Variants in P2RX5 observed in about 807,000 individuals in gnomAD.
P2RX5 encodes P2X purinoceptor 5.
In P2RX5, 46 loss-of-function variants were observed where a neutral mutation model predicts 54.1. That is an observed-to-expected ratio of 0.85 (90% CI 0.67 to 1.09). The LOEUF (loss-of-function observed/expected upper bound fraction) is 1.09. Among genes scored for constraint, P2RX5 ranks in the 50% least tolerant of loss-of-function variants. The probability of loss-of-function intolerance (pLI) is 0.00; values close to 1 mark genes in which losing one functional copy is unlikely to be tolerated. For missense variants in P2RX5, 566 were observed against 549.8 expected (o/e 1.03, Z -0.29); for synonymous variants, 226 against 226.4 (o/e 1.00, Z 0.02).
At chr17:3,701,705 A>AT in the P2RX5 span, among the ~76,000 whole-genome samples, 1 of 147,100 alleles carries the variant, frequency 6.8e-6, no homozygotes, top group Non-Finnish European at 1.5e-5. Context: ...AGAAAAAAAA[A>AT]AAAAAAAAAA....
intron 6 of P2RX5, among the ~76,000 whole-genome samples, chr17:3,689,851 C>T (rs1030890289): frequency 4.6e-5 from 7 of 152,172 alleles, no homozygotes; most frequent in Admixed American, 2.6e-4. Flanking sequence ...CGCACACACG[C>T]GTGCACGCAC....
At position 3,691,663 on chromosome 17, in the gene P2RX5, T is replaced by A. The variant is rs1298107662; in HGVS notation, c.269A>T (p.Asp90Val). 1 of 1,614,168 alleles carries A rather than the reference T, an allele frequency of 6.2e-7. No homozygotes were observed. Among genetic ancestry groups the A allele is most frequent in the Admixed American group, 1.7e-5 (1 of 60,022 alleles). ...DLGQRIWDVA[D>V]YVIPAQGENV... Reference sequence around the variant, plus strand: ...TCAGACCTGGGCTGGAATGACGTAGTCGGCGACATCCCAGATCCGCTGCCC... The same window carrying A: ...TCAGACCTGGGCTGGAATGACGTAGACGGCGACATCCCAGATCCGCTGCCC... Residue 90 changes from aspartate (D) to valine (V), a missense_variant, in exon 2 of 12, where the codon GAC becomes GTC. Physicochemically the swap from Asp to Val is radical, Grantham distance 152. Transcript: ENST00000225328.
chr17:3,676,550 TC>T (rs2050109634), intron 11 of P2RX5: 1 of 985,438 alleles, frequency 1.0e-6, no homozygotes, highest in African/African-American at 1.7e-5. Context: ...GGAGGAAGCC[TC>T]TTGGTCTCTA....
At chr17:3,716,832 G>A in the P2RX5 span, 1 of 1,260,648 alleles carries the variant, frequency 7.9e-7, no homozygotes, top group East Asian at 2.3e-5. Flanking sequence ...CAATAAATCA[G>A]GTGAAGCAAA....
chr17:3,682,417 G>T (rs1202785302), intron 9 of P2RX5: 5 of 285,370 alleles, frequency 1.8e-5, no homozygotes, highest in African/African-American at 1.1e-4. Flanking sequence ...TCCCTATTCA[G>T]TCCTTAAGGA....
intron 1 of P2RX5, among the ~76,000 whole-genome samples, chr17:3,693,064 T>G (rs1193340551): frequency 7.1e-6 from 1 of 140,892 alleles, no homozygotes; most frequent in Non-Finnish European, 1.5e-5. Flanking sequence ...CTCTTATAAT[T>G]TAACAATAAA....
At chr17:3,715,072 C>T in the P2RX5 span, 162 of 618,136 alleles carry the variant, frequency 2.6e-4, 1 homozygote, top group African/African-American at 2.3e-3. Flanking sequence ...CTCCCTTCTC[C>T]TAACTTACTC....
the P2RX5 span, among the ~76,000 whole-genome samples, chr17:3,711,374 T>C: frequency 1.4e-5 from 1 of 71,936 alleles, no homozygotes; most frequent in African/African-American, 4.7e-5. Context: ...CTCATTCTTT[T>C]TTTTTTTTTT....
rs748421694 is a variant in P2RX5, at chr17:3,691,044, G to T, written c.289-17C>A. ...GTTCTCTCCCTAAGGAACCAGAGAG[G>T]CACTGAGGAACCTCCTCCTGCCCCT... On this transcript the variant is annotated splice_polypyrimidine_tract_variant and intron_variant, in intron 2 of 11. Transcript: ENST00000225328. 2.5e-6 allele frequency: 4 copies of T among 1,599,152 alleles called. No individual in the cohort carries two copies. Among genetic ancestry groups the T allele is most frequent in the Non-Finnish European group, 3.4e-6 (4 of 1,168,372 alleles).
At chr17:3,692,544 A>G (rs936225860) in intron 1 of P2RX5, among the ~76,000 whole-genome samples, 1 of 152,144 alleles carries the variant, frequency 6.6e-6, no homozygotes, top group Admixed American at 6.5e-5. Flanking sequence ...GGGGCATTCT[A>G]CAAAATAAGA....
At chr17:3,713,750 C>CAAAA in the P2RX5 span, among the ~76,000 whole-genome samples, 1 of 140,884 alleles carries the variant, frequency 7.1e-6, no homozygotes, top group African/African-American at 2.6e-5. Flanking sequence ...AACTCTGTCT[C>CAAAA]AAAAAAAAAA....
chr17:3,702,855 T>C, the P2RX5 span, among the ~76,000 whole-genome samples: 1 of 152,200 alleles, frequency 6.6e-6, no homozygotes, highest in Non-Finnish European at 1.5e-5. Flanking sequence ...TTACATCATC[T>C]CCCTTGCTCC....
the P2RX5 span, among the ~76,000 whole-genome samples, chr17:3,711,575 T>C: frequency 6.6e-6 from 1 of 151,746 alleles, no homozygotes; most frequent in Non-Finnish European, 1.5e-5. Flanking sequence ...GAAGATGGGG[T>C]TTCTCCATGT....
chr17:3,699,928 A>AAGAAAG (rs2050806559), upstream of P2RX5, among the ~76,000 whole-genome samples: 1 of 90,300 alleles, frequency 1.1e-5, no homozygotes, highest in Non-Finnish European at 2.7e-5. Context: ...GAAAGAAAGA[A>AAGAAAG]AGAAAGAAAG....
At position 3,678,667 on chromosome 17, in the gene P2RX5, C is replaced by T. The variant is rs74966626; in HGVS notation, c.1259+923G>A. Among the ~76,000 whole-genome samples the T allele has an allele frequency of 3.4e-3, 518 of 152,350 alleles. 12 individuals are homozygous for T. The East Asian group carries it at 0.055, about 16-fold the overall frequency. ...CCCAGGCCCAGCTCCCAGCTGAACG[C>T]TGCCAATTCCTGAGTCAGCAAGGAA... On this transcript the variant is annotated intron_variant, in intron 11 of 11. Transcript: ENST00000225328.
At chr17:3,688,546 GCCT>G in intron 8 of P2RX5, 77 bp downstream of exon 8, 4 of 1,485,230 alleles carry the variant, frequency 2.7e-6, no homozygotes, top group Non-Finnish European at 3.8e-6. Flanking sequence ...CCAGGAAGGG[GCCT>G]CAATAGTGCT....
At chr17:3,676,580 C>T in intron 11 of P2RX5, 1 of 985,380 alleles carries the variant, frequency 1.0e-6, no homozygotes, top group Non-Finnish European at 1.2e-6. Flanking sequence ...GCGTGTAAGT[C>T]TGACCTAGAA....
chr17:3,723,611 A>G, the P2RX5 span: 1 of 1,420,260 alleles, frequency 7.0e-7, no homozygotes, highest in Non-Finnish European at 9.5e-7. Flanking sequence ...TAACCCAGGA[A>G]AAACAGTCTC....
chr17:3,674,227 C>T (rs1464317616), intron 11 of P2RX5, among the ~76,000 whole-genome samples: 1 of 151,998 alleles, frequency 6.6e-6, no homozygotes, highest in South Asian at 2.1e-4. Flanking sequence ...AGGGGAATGG[C>T]GTGAACCCGG....
Sources: allele counts gnomAD v4.1 joint callset (sites outside exome capture counted in the v4.1 genomes callset), GRCh38; gene constraint gnomAD v4.1.1; transcripts MANE v1.5; gene names NCBI Gene and HGNC (gene_info 2026-07-23, HGNC 2026-07-21).